MAP3K15: variants seen among roughly 807,000 people sequenced by gnomAD.
The protein encoded by MAP3K15 is MAPK/ERK kinase kinase 15.
In MAP3K15, 124 loss-of-function variants were observed where a neutral mutation model predicts 99.5. That is an observed-to-expected ratio of 1.25 (90% CI 1.08 to 1.45). The LOEUF is 1.45. Ranked by LOEUF, MAP3K15 falls within the 40% of genes most tolerant of loss-of-function variation. The pLI, the probability that MAP3K15 is intolerant of heterozygous loss-of-function variation, is 0.00. For synonymous variants in MAP3K15, 494 were observed against 439.6 expected (o/e 1.12, Z -1.55); for missense variants, 1,242 against 1,079.7 (o/e 1.15, Z -2.11).
chrX:19,505,780 C>A (rs1358185896), intron 1 of MAP3K15, among the ~76,000 whole-genome samples: 4 of 103,376 alleles, frequency 3.9e-5, no homozygotes, highest in Non-Finnish European at 7.9e-5. Flanking sequence ...GAGTCTCACT[C>A]TTGTCACCCG....
At chrX:19,423,114 C>T (rs2063800069) in intron 9 of MAP3K15, among the ~76,000 whole-genome samples, 1 of 109,000 alleles carries the variant, frequency 9.2e-6, no homozygotes, top group Non-Finnish European at 1.9e-5. Context: ...CAACATGGCA[C>T]ATGTATAGAT....
chrX:19,364,623 G>A (rs192242807), intron 25 of MAP3K15, among the ~76,000 whole-genome samples: 5 of 111,513 alleles, frequency 4.5e-5, no homozygotes, highest in East Asian at 2.8e-4. Flanking sequence ...ATTCTTGGCC[G>A]GGTGCGGCAG....
intron 16 of MAP3K15, 87 bp from the exon 17 acceptor site, chrX:19,392,560 C>T (rs367647765): frequency 2.1e-6 from 2 of 975,587 alleles, no homozygotes; most frequent in African/African-American, 3.8e-5. Flanking sequence ...GGTTTCTAAC[C>T]TAACCTAAGT....
intron 9 of MAP3K15, among the ~76,000 whole-genome samples, chrX:19,419,121 C>T (rs2063761678): frequency 8.9e-6 from 1 of 112,218 alleles, no homozygotes; most frequent in African/African-American, 3.2e-5. Flanking sequence ...TAGGAAGAAA[C>T]TGCATCAACT....
rs1459798650 is a variant in MAP3K15, at chrX:19,413,428, A to G, written c.1627T>C (p.Ser543Pro). 8.3e-7 allele frequency: 1 copy of G among 1,208,812 alleles called. No individual in the cohort carries two copies. Among genetic ancestry groups the G allele is most frequent in the Non-Finnish European group, 1.1e-6 (1 of 893,703 alleles). Residue 543 changes from serine (S) to proline (P), a missense_variant, in exon 11 of 29, where the codon TCT (serine) becomes CCT (proline). By Grantham distance (74) the Ser-to-Pro change is moderately conservative. Transcript: ENST00000338883. ...VIEPTKVYQP[S>P]YVSINNEAEE... Reference sequence around the variant, plus strand: ...GCTTCATTGTTTATGGAAACATAAGAAGGCTGGTACACTTTGGTTGGCTCT... The same window carrying G: ...GCTTCATTGTTTATGGAAACATAAGGAGGCTGGTACACTTTGGTTGGCTCT...
chrX:19,446,273 G>GAT (rs751424837), intron 6 of MAP3K15, among the ~76,000 whole-genome samples: 1 of 112,346 alleles, frequency 8.9e-6, no homozygotes, highest in East Asian at 2.8e-4. Flanking sequence ...ATAGATCGCT[G>GAT]ATAGGATAAA....
chrX:19,510,139 C>T (rs1240098336), intron 1 of MAP3K15, among the ~76,000 whole-genome samples: 3 of 111,970 alleles, frequency 2.7e-5, no homozygotes, highest in African/African-American at 6.5e-5. Flanking sequence ...GACTCACAGC[C>T]GAATTCTACC....
At chrX:19,363,514 CAGA>C (rs1461672486) in intron 25 of MAP3K15, among the ~76,000 whole-genome samples, 2 of 112,248 alleles carry the variant, frequency 1.8e-5, no homozygotes, top group African/African-American at 6.5e-5. Context: ...AGAACTCAGC[CAGA>C]AGGACGATGT....
In MAP3K15 at chrX:19,471,949, G is replaced by A. The variant is rs781728289; in HGVS notation, c.526-7543C>T. 2.1e-3 allele frequency among the ~76,000 whole-genome samples: 235 copies of A among 111,826 alleles called. 2 individuals are homozygous for A. Among genetic ancestry groups the A allele is most frequent in the African/African-American group, 7.0e-3 (217 of 30,859 alleles). ...TACAAAAATACTAAAGGGGCCGGGC[G>A]CGGTGGCTCACGCCTGTAATCCCAG... On this transcript the variant is annotated intron_variant, in intron 3 of 28. Coordinates refer to ENST00000338883, the MANE Select transcript of MAP3K15 (RefSeq NM_001001671.4).
At chrX:19,364,501 C>G (rs1321314750) in intron 25 of MAP3K15, among the ~76,000 whole-genome samples, 1 of 111,793 alleles carries the variant, frequency 8.9e-6, no homozygotes, top group African/African-American at 3.3e-5. Flanking sequence ...AATCCCTCTT[C>G]CCCAAAGCGG....
At chrX:19,379,202 G>C (rs1010185017) in intron 19 of MAP3K15, among the ~76,000 whole-genome samples, 2 of 109,238 alleles carry the variant, frequency 1.8e-5, no homozygotes, top group Non-Finnish European at 3.8e-5. Flanking sequence ...TAAGACTCTT[G>C]CCAGAAATGT....
intron 7 of MAP3K15, among the ~76,000 whole-genome samples, chrX:19,426,544 G>A (rs756425682): frequency 6.6e-4 from 73 of 111,055 alleles, no homozygotes; most frequent in African/African-American, 2.2e-3. Context: ...GCCAGGCACC[G>A]TGGCTCATGC....
Position 19,369,208 on chromosome X carries a change from G to A in MAP3K15, c.3412C>T (p.His1138Tyr), listed in dbSNP as rs2063357058. 1 of 1,211,271 alleles carries A rather than the reference G, an allele frequency of 8.3e-7. No homozygotes were observed. ...TCAGTCTCACAGGTAGGCTCAAAGT[G>A]GGCTCGGAGCTCTGCAAATCACACA... Reference protein sequence around the residue: ...VTILIPELRAHFEPTCETEGV... With the variant: ...VTILIPELRAYFEPTCETEGV... Residue 1138 changes from histidine to tyrosine, a missense_variant, in exon 25 of 29, where the codon CAC (histidine) becomes TAC (tyrosine). His to Tyr is a moderately conservative substitution (Grantham distance 83). Coordinates refer to ENST00000338883, the MANE Select transcript of MAP3K15 (RefSeq NM_001001671.4).
rs1297591018 is a variant in MAP3K15, at chrX:19,400,678, G to A, written c.1845-15C>T. On this transcript the variant is annotated splice_polypyrimidine_tract_variant and intron_variant, in intron 13 of 28. Coordinates refer to ENST00000338883, the MANE Select transcript of MAP3K15 (RefSeq NM_001001671.4). ...AAGAGAAAAATCTAGAACAGCAAGTGTCACAAATACGTTGCCAACTCAGAA... is the reference window on the plus strand; with the variant it reads ...AAGAGAAAAATCTAGAACAGCAAGTATCACAAATACGTTGCCAACTCAGAA... 8.9e-7 allele frequency: 1 copy of A among 1,128,975 alleles called. No homozygotes were observed. Among genetic ancestry groups the A allele is most frequent in the Non-Finnish European group, 1.2e-6 (1 of 824,544 alleles). The allele number at this position is 1,128,975 out of a possible 1,213,427, so 93.0% of individuals were successfully genotyped here. A position where few individuals can be genotyped will look rare whatever the true frequency, so the allele number is the denominator to read the frequency against.
Position 19,380,149 on chromosome X carries a change from G to T in MAP3K15, c.2560C>A (p.Leu854Ile). The change falls in exon 19 of 29, where the codon CTT (leucine) becomes ATT (isoleucine). Residue 854 changes from leucine (L) to isoleucine (I), a missense_variant. Transcript: ENST00000338883. ...AACATGGCTGCCTGCGGCTCACCAA[G>T]CTCATGGAACGGAGGCTTGCTGGTG... ...MATSKPPFHELGEPQAAMFKV... is the reference protein window; with the variant it reads ...MATSKPPFHEIGEPQAAMFKV... 1 of 1,198,636 alleles carries T rather than the reference G, an allele frequency of 8.3e-7. No individual in the cohort carries two copies.
intron 6 of MAP3K15, among the ~76,000 whole-genome samples, chrX:19,450,704 T>C (rs1443579579): frequency 7.4e-5 from 8 of 108,602 alleles, no homozygotes; most frequent in African/African-American, 2.6e-4. Context: ...AATAAGTTAG[T>C]AAATAAAGGA....
intron 6 of MAP3K15, among the ~76,000 whole-genome samples, chrX:19,451,123 T>C (rs1463287119): frequency 9.3e-6 from 1 of 107,394 alleles, no homozygotes; most frequent in African/African-American, 3.3e-5. Flanking sequence ...CCATCTCTAC[T>C]AAAAATACAA....
At position 19,395,078 on chromosome X, in the gene MAP3K15, C is replaced by T. The variant is rs764889812; in HGVS notation, c.2194+3G>A. On this transcript the variant is annotated splice_donor_region_variant and intron_variant, in intron 16 of 28. Transcript: ENST00000338883. Reference sequence around the variant, plus strand: ...GTGAGACCAGAAGACAGCGACTACTCACCTCCAGGCACCTGCTCCATAAAT... The same window carrying T: ...GTGAGACCAGAAGACAGCGACTACTTACCTCCAGGCACCTGCTCCATAAAT... The T allele has an allele frequency of 6.7e-5, 81 of 1,203,054 alleles. No individual in the cohort carries two copies. Among genetic ancestry groups the T allele is most frequent in the Non-Finnish European group, 9.0e-5 (80 of 891,483 alleles).
chrX:19,391,709 G>GA (rs1258139684), intron 18 of MAP3K15, among the ~76,000 whole-genome samples: 6 of 96,919 alleles, frequency 6.2e-5, no homozygotes, highest in Admixed American at 5.6e-4. Flanking sequence ...AAGAAAAAAA[G>GA]AAAAAAAAGA....
Sources: gnomAD v4.1 joint callset for allele counts (sites outside exome capture counted in the v4.1 genomes callset) on GRCh38, gnomAD v4.1.1 for gene constraint, MANE v1.5 for transcripts, NCBI Gene and HGNC (gene_info 2026-07-23, HGNC 2026-07-21) for gene names.